Variants in CTNNA3 observed in about 807,000 individuals in gnomAD.
CTNNA3 encodes catenin alpha-3.
A neutral mutation model predicts 95.7 loss-of-function variants in CTNNA3; 76 were observed. That is an observed-to-expected ratio of 0.79 (90% CI 0.66 to 0.96). CTNNA3 has a LOEUF of 0.96. Among genes scored for constraint, CTNNA3 ranks in the 40% least tolerant of loss-of-function variants. The pLI is 0.00. For synonymous variants in CTNNA3, 431 were observed against 374.4 expected (o/e 1.15, Z -1.74); for missense variants, 1,191 against 1,089.8 (o/e 1.09, Z -1.31).
At chr10:66,697,371 A>G (rs948344959) in intron 9 of CTNNA3, among the ~76,000 whole-genome samples, 1 of 151,456 alleles carries the variant, frequency 6.6e-6, no homozygotes, top group East Asian at 1.9e-4. Context: ...GGAAAAGCAA[A>G]CACACGGTAT....
intron 14 of CTNNA3, among the ~76,000 whole-genome samples, chr10:66,080,407 TTATATA>T (rs1279303564): frequency 6.6e-5 from 10 of 152,136 alleles, no homozygotes; most frequent in Admixed American, 3.3e-4. Context: ...TCAAAATCAC[TTATATA>T]TGTCATTTGT....
chr10:66,112,368 T>G (rs1038200304), intron 13 of CTNNA3, among the ~76,000 whole-genome samples: 1 of 152,174 alleles, frequency 6.6e-6, no homozygotes, highest in African/African-American at 2.4e-5. Context: ...AATTGGTGAC[T>G]TTTCTTCTTA....
rs573394832 is a variant in CTNNA3, at chr10:66,378,312, C to T, written c.1732+840G>A. ...AACATGAAAAATGATTCTCCAGGAT[C>T]GATGACTTAAGGTTGGAATTTCAAA... On this transcript the variant is annotated intron_variant, in intron 12 of 17. Coordinates refer to ENST00000433211, the MANE Select transcript of CTNNA3 (RefSeq NM_013266.4). 2.5e-3 allele frequency among the ~76,000 whole-genome samples: 386 copies of T among 152,004 alleles called. 1 individual carries two copies. Among genetic ancestry groups the T allele is most frequent in the Middle Eastern group, 0.014 (4 of 294 alleles).
At chr10:67,311,085 T>A (rs746914781) in intron 5 of CTNNA3, among the ~76,000 whole-genome samples, 5 of 152,200 alleles carry the variant, frequency 3.3e-5, no homozygotes, top group Non-Finnish European at 7.3e-5. Flanking sequence ...TGAGGTTTAT[T>A]CTGTACCTTC....
chr10:65,958,619 T>A (rs758115061), intron 17 of CTNNA3, among the ~76,000 whole-genome samples: 11 of 152,216 alleles, frequency 7.2e-5, no homozygotes, highest in Non-Finnish European at 1.3e-4. Context: ...CCAGTCAGGA[T>A]GCTAAGCTGC....
At chr10:66,905,345 G>A (rs1845940603) in intron 7 of CTNNA3, among the ~76,000 whole-genome samples, 1 of 152,080 alleles carries the variant, frequency 6.6e-6, no homozygotes, top group Admixed American at 6.6e-5. Context: ...ACAGGGCAGG[G>A]AACATCACAC....
intron 7 of CTNNA3, among the ~76,000 whole-genome samples, chr10:67,167,357 T>C (rs367577019): frequency 6.6e-6 from 1 of 152,142 alleles, no homozygotes; most frequent in African/African-American, 2.4e-5. Flanking sequence ...CTAATTGTTA[T>C]CTCTCTGTGT....
At chr10:65,924,524 G>T (rs147627730) in intron 17 of CTNNA3, among the ~76,000 whole-genome samples, 2 of 152,060 alleles carry the variant, frequency 1.3e-5, no homozygotes, top group African/African-American at 4.8e-5. Flanking sequence ...ATATTTCCAC[G>T]TACCTATAAT....
At chr10:67,641,131 T>C (rs1244572075) in intron 2 of CTNNA3, among the ~76,000 whole-genome samples, 2 of 152,014 alleles carry the variant, frequency 1.3e-5, no homozygotes, top group Non-Finnish European at 2.9e-5. Context: ...ATATCCAGAA[T>C]CTGCAAAGAA....
At chr10:67,189,143 A>AACAAC (rs201941088) in intron 6 of CTNNA3, among the ~76,000 whole-genome samples, 6 of 76,102 alleles carry the variant, frequency 7.9e-5, no homozygotes, top group African/African-American at 4.6e-4. Context: ...CAACAACAAC[A>AACAAC]AAAAAAAAAA....
chr10:67,707,408 A>G (rs527254742), intron 1 of CTNNA3, among the ~76,000 whole-genome samples: 1 of 152,140 alleles, frequency 6.6e-6, no homozygotes, highest in Admixed American at 6.5e-5. Context: ...AAAATAACCA[A>G]CCATATTCCC....
At chr10:66,926,075 T>G in intron 7 of CTNNA3, 1 of 457,494 alleles carries the variant, frequency 2.2e-6, no homozygotes, top group Non-Finnish European at 4.4e-6. Context: ...TCTGCAGAAG[T>G]GAGCTGAGCG....
At chr10:66,361,510 C>T (rs1450552548) in intron 12 of CTNNA3, among the ~76,000 whole-genome samples, 1 of 149,640 alleles carries the variant, frequency 6.7e-6, no homozygotes, top group Non-Finnish European at 1.5e-5. Flanking sequence ...CTCCTTCTTT[C>T]CCTCTCTCTG....
intron 15 of CTNNA3, among the ~76,000 whole-genome samples, chr10:66,009,102 A>G (rs2078955314): frequency 1.5e-5 from 2 of 135,374 alleles, no homozygotes; most frequent in Admixed American, 1.4e-4. Context: ...TCAATCTCAG[A>G]AAAAAAAAAA....
intron 15 of CTNNA3, among the ~76,000 whole-genome samples, chr10:65,998,213 C>A (rs1035762564): frequency 3.3e-5 from 5 of 152,182 alleles, no homozygotes; most frequent in Middle Eastern, 3.4e-3. Flanking sequence ...CATTTTGATA[C>A]AAGAACAGCA....
At chr10:66,134,740 T>C (rs931819319) in intron 13 of CTNNA3, among the ~76,000 whole-genome samples, 2 of 152,132 alleles carry the variant, frequency 1.3e-5, no homozygotes, top group African/African-American at 4.8e-5. Context: ...TCTGTGGTGA[T>C]TTTTTATTCA....
At chr10:66,251,767 C>T (rs1007637774) in intron 13 of CTNNA3, among the ~76,000 whole-genome samples, 4 of 152,098 alleles carry the variant, frequency 2.6e-5, no homozygotes, top group African/African-American at 9.7e-5. Context: ...CAACATTGTT[C>T]AAATAATAAG....
chr10:67,148,097 T>G (rs973085690), intron 7 of CTNNA3, among the ~76,000 whole-genome samples: 3 of 152,166 alleles, frequency 2.0e-5, no homozygotes, highest in Admixed American at 2.0e-4. Flanking sequence ...TCTGTTCCAT[T>G]AATTATCACT....
chr10:66,685,338 T>C (rs1322773858), intron 9 of CTNNA3, among the ~76,000 whole-genome samples: 1 of 86,392 alleles, frequency 1.2e-5, no homozygotes, highest in Non-Finnish European at 2.2e-5. Context: ...TATATATATA[T>C]ATATATATAT....
Sources: allele counts gnomAD v4.1 joint callset (sites outside exome capture counted in the v4.1 genomes callset), GRCh38; gene constraint gnomAD v4.1.1; transcripts MANE v1.5; gene names NCBI Gene and HGNC (gene_info 2026-07-23, HGNC 2026-07-21).